Variants in TENM4 observed in about 807,000 individuals in gnomAD.
TENM4 encodes the protein teneurin transmembrane protein 4.
A neutral mutation model predicts 243.3 loss-of-function variants in TENM4; 82 were observed. The ratio of observed to expected loss-of-function variants is 0.34; its 90% CI spans 0.28 to 0.40. The LOEUF is 0.40. Among genes scored for constraint, TENM4 ranks in the 10% least tolerant of loss-of-function variants. The pLI is 1.00. For synonymous variants in TENM4, 1,412 were observed against 1,456.3 expected (o/e 0.97, Z 0.69); for missense variants, 3,138 against 3,673.3 (o/e 0.85, Z 3.77).
intron 1 of TENM4, among the ~76,000 whole-genome samples, chr11:79,406,744 C>T (rs1032740163): frequency 1.3e-5 from 2 of 152,042 alleles, no homozygotes; most frequent in African/African-American, 2.4e-5. Context: ...ATCTAGGTCT[C>T]CTGGCTCCTA....
In TENM4 at chr11:78,688,042, C is replaced by A. The variant is rs371636829; in HGVS notation, c.5260+12G>T. On this transcript the variant is annotated intron_variant, in intron 29 of 33. Transcript: ENST00000278550. ...CTCTGCCTCAAAGTCCCCTGGCCCCCACCTGACTTACCTTGCAGCAGTGTG... is the reference window on the plus strand; with the variant it reads ...CTCTGCCTCAAAGTCCCCTGGCCCCAACCTGACTTACCTTGCAGCAGTGTG... 6.2e-7 allele frequency: 1 copy of A among 1,612,912 alleles called. No homozygotes were observed. The highest frequency in any genetic ancestry group is 1.7e-4 in the Middle Eastern group (1 of 5,998).
At chr11:79,379,822 G>A (rs192345111) in intron 1 of TENM4, among the ~76,000 whole-genome samples, 71 of 152,282 alleles carry the variant, frequency 4.7e-4, no homozygotes, top group Admixed American at 2.0e-3. Context: ...GGTGGTGAGG[G>A]AGAGGAAAAA....
intron 1 of TENM4, among the ~76,000 whole-genome samples, chr11:79,321,640 CAAAAAAAAAAA>C (rs60886884): frequency 6.1e-5 from 5 of 82,216 alleles, no homozygotes; most frequent in East Asian, 4.1e-4. Context: ...AGGAAATTAC[CAAAAAAAAAAA>C]AAAAAAAAAA....
chr11:78,989,945 T>C (rs1858001938), intron 6 of TENM4, among the ~76,000 whole-genome samples: 1 of 151,854 alleles, frequency 6.6e-6, no homozygotes. Context: ...ATAATTGTAG[T>C]CCCAGTTACT....
At chr11:78,843,836 GTACCT>G (rs992218652) in intron 12 of TENM4, among the ~76,000 whole-genome samples, 2 of 152,210 alleles carry the variant, frequency 1.3e-5, no homozygotes, top group African/African-American at 2.4e-5. Context: ...CCTTAGCCAG[GTACCT>G]GGCAGTGCCT....
At chr11:79,143,987 A>T (rs187335100) in intron 4 of TENM4, among the ~76,000 whole-genome samples, 25 of 152,176 alleles carry the variant, frequency 1.6e-4, no homozygotes, top group African/African-American at 5.3e-4. Context: ...CAGCAAAGAA[A>T]AACAATATCA....
chr11:78,702,297 C>T lies in TENM4; in HGVS notation c.4316G>A (p.Arg1439His), dbSNP rs201076845. Residue 1439 changes from arginine to histidine, a missense_variant, in exon 28 of 34, where the codon CGC becomes CAC. Transcript: ENST00000278550. ...GTGCATGGGCCTCCCGGCGACAATG[C>T]GCACCTGGTGGTTTTCAGAGATTTG... is the stretch of plus-strand genomic sequence containing the variant. ...VLQISENHQVRIVAGRPMHCQ... is the reference protein window; with the variant it reads ...VLQISENHQVHIVAGRPMHCQ... The T allele has an allele frequency of 3.0e-4, 487 of 1,614,012 alleles. No homozygotes were observed. In the African/African-American group the frequency reaches 5.5e-3, roughly 18 times the overall value.
chr11:78,721,755 T>A (rs1031133170), intron 24 of TENM4, among the ~76,000 whole-genome samples: 1 of 152,200 alleles, frequency 6.6e-6, no homozygotes, highest in Non-Finnish European at 1.5e-5. Context: ...CCTGCTCACA[T>A]GCACCCTGGC....
chr11:78,963,070 G>A (rs1022413911), intron 6 of TENM4, among the ~76,000 whole-genome samples: 1 of 152,190 alleles, frequency 6.6e-6, no homozygotes, highest in Non-Finnish European at 1.5e-5. Flanking sequence ...CACATAGTAG[G>A]CATTGTAGAA....
intron 9 of TENM4, among the ~76,000 whole-genome samples, chr11:78,879,180 C>A (rs1859348652): frequency 6.7e-6 from 1 of 150,210 alleles, no homozygotes; most frequent in South Asian, 2.1e-4. Flanking sequence ...TGAGGAGCGC[C>A]TCTGCCCAGC....
chr11:78,785,302 C>T (rs1444131985), intron 16 of TENM4, among the ~76,000 whole-genome samples: 1 of 152,156 alleles, frequency 6.6e-6, no homozygotes, highest in African/African-American at 2.4e-5. Context: ...CGCAGCACAA[C>T]CTGCAGTGGC....
intron 12 of TENM4, among the ~76,000 whole-genome samples, chr11:78,830,318 G>A (rs1389100540): frequency 6.6e-6 from 1 of 152,154 alleles, no homozygotes; most frequent in Non-Finnish European, 1.5e-5. Flanking sequence ...TGATGACTGG[G>A]CCTGATCCAT....
At chr11:79,025,253 T>G (rs1859044508) in intron 6 of TENM4, among the ~76,000 whole-genome samples, 1 of 147,288 alleles carries the variant, frequency 6.8e-6, no homozygotes, top group Non-Finnish European at 1.5e-5. Context: ...AGACTTGGCA[T>G]AACACTGGAA....
rs1859366048 is a variant in TENM4, at chr11:79,440,026, G to A, written c.-321+483C>T. 6.6e-6 allele frequency among the ~76,000 whole-genome samples: 1 copy of A among 152,098 alleles called. No homozygotes were observed. The highest frequency in any genetic ancestry group is 2.4e-5 in the African/African-American group (1 of 41,446). ...CAACCACCGCCCGTGCGGGGCTGCT[G>A]CAGCCGGCACTTGCCCCGCAGGGCA... On this transcript the variant is annotated intron_variant, in intron 1 of 33. Transcript: ENST00000278550. The surrounding 1 kb of genome is among the most constrained non-coding windows in gnomAD (Gnocchi z 4.7).
intron 2 of TENM4, among the ~76,000 whole-genome samples, chr11:79,287,440 A>G: frequency 6.6e-6 from 1 of 152,208 alleles, no homozygotes; most frequent in Non-Finnish European, 1.5e-5. Context: ...GCCCTGGGTC[A>G]TCCAACAAAG....
At chr11:79,297,263 T>G (rs1188970754) in intron 2 of TENM4, among the ~76,000 whole-genome samples, 1 of 152,204 alleles carries the variant, frequency 6.6e-6, no homozygotes, top group East Asian at 1.9e-4. Flanking sequence ...CAGACTCACC[T>G]GTTAAACATG....
chr11:79,011,987 T>A, intron 6 of TENM4, among the ~76,000 whole-genome samples: 1 of 152,160 alleles, frequency 6.6e-6, no homozygotes, highest in Admixed American at 6.5e-5. Context: ...TCCACGCATC[T>A]TTATGTAAAA....
intron 2 of TENM4, among the ~76,000 whole-genome samples, chr11:79,261,569 C>T (rs1206347990): frequency 1.3e-5 from 2 of 152,158 alleles, no homozygotes; most frequent in Admixed American, 6.5e-5. Context: ...GAACCCCACA[C>T]CAGGAACCCC....
chr11:78,967,349 A>G (rs1312578521), intron 6 of TENM4, among the ~76,000 whole-genome samples: 2 of 152,248 alleles, frequency 1.3e-5, no homozygotes, highest in Non-Finnish European at 2.9e-5. Flanking sequence ...AAGGAAGGAG[A>G]GTACCTTGAT....
Sources: gnomAD v4.1 joint callset for allele counts (sites outside exome capture counted in the v4.1 genomes callset) on GRCh38, gnomAD v4.1.1 for gene constraint, Gnocchi (gnomAD v3.1) non-coding constraint, MANE v1.5 for transcripts, NCBI Gene and HGNC (gene_info 2026-07-23, HGNC 2026-07-21) for gene names.